The following NT5M variants were observed in gnomAD, a reference collection of about 807,000 sequenced individuals.
The protein encoded by NT5M is 5'(3')-deoxyribonucleotidase, mitochondrial.
A neutral mutation model predicts 22.2 loss-of-function variants in NT5M; 22 were observed. The observed-to-expected ratio is 0.99, with a 90% CI of 0.71 to 1.41. The LOEUF (loss-of-function observed/expected upper bound fraction) is 1.41. NT5M is among the 40% of genes most tolerant of loss of function. The pLI is 0.00. For missense variants in NT5M, 322 were observed against 314.8 expected (o/e 1.02, Z -0.17); for synonymous variants, 167 against 133.0 (o/e 1.26, Z -1.76).
chr17:17,328,673 A>C (rs1468666720), intron 3 of NT5M, among the ~76,000 whole-genome samples: 2 of 152,166 alleles, frequency 1.3e-5, no homozygotes, highest in Non-Finnish European at 2.9e-5. Context: ...GAGTAGGTTC[A>C]GCCTTTGTTG....
intron 2 of NT5M, among the ~76,000 whole-genome samples, chr17:17,321,791 C>A (rs545938545): frequency 6.6e-6 from 1 of 151,796 alleles, no homozygotes; most frequent in African/African-American, 2.4e-5. Flanking sequence ...GAAGGCTGGG[C>A]CCCAGCTGGA....
At chr17:17,340,851 T>G (rs2049628321) in intron 3 of NT5M, among the ~76,000 whole-genome samples, 1 of 152,138 alleles carries the variant, frequency 6.6e-6, no homozygotes, top group African/African-American at 2.4e-5. Flanking sequence ...TTCTTTAGGA[T>G]GCATCATTAA....
At chr17:17,323,903 G>A (rs1597775177) in intron 3 of NT5M, among the ~76,000 whole-genome samples, 1 of 151,996 alleles carries the variant, frequency 6.6e-6, no homozygotes, top group Non-Finnish European at 1.5e-5. Context: ...ACAGAGTTTT[G>A]CTCTTGTTGT....
intron 2 of NT5M, among the ~76,000 whole-genome samples, 178 bp from the exon 3 acceptor site, chr17:17,323,007 G>T (rs1163409901): frequency 1.3e-5 from 2 of 152,186 alleles, no homozygotes; most frequent in African/African-American, 4.8e-5. Flanking sequence ...GCTGCCCAGG[G>T]CCATGGGATA....
intron 2 of NT5M, among the ~76,000 whole-genome samples, chr17:17,308,160 G>A (rs2048847499): frequency 6.6e-6 from 1 of 152,220 alleles, no homozygotes; most frequent in Admixed American, 6.5e-5. Context: ...AAGAGAAGTA[G>A]TATTGCTTGA....
intron 2 of NT5M, among the ~76,000 whole-genome samples, chr17:17,321,867 A>G (rs890654746): frequency 3.3e-5 from 5 of 151,894 alleles, no homozygotes; most frequent in Non-Finnish European, 7.4e-5. Flanking sequence ...TGAGTACAGA[A>G]TGAGATAATG....
intron 3 of NT5M, among the ~76,000 whole-genome samples, chr17:17,334,642 A>AT (rs2049461323): frequency 6.6e-6 from 1 of 150,716 alleles, no homozygotes; most frequent in African/African-American, 2.4e-5. Flanking sequence ...CACCCAGCTA[A>AT]TTTTTGTATT....
In NT5M at chr17:17,303,542, C is replaced by T; in HGVS notation, c.-9C>T. On this transcript the variant is annotated 5_prime_UTR_variant, in exon 1 of 5. Coordinates refer to ENST00000389022, the MANE Select transcript of NT5M (RefSeq NM_020201.4). ...TCCCCGCGCCCACGACGGGCCAGCG[C>T]GCTGGGCCATGATCCGGCTGGGCGG... 9.5e-7 allele frequency: 1 copy of T among 1,057,978 alleles called. No homozygotes were observed. Among genetic ancestry groups the T allele is most frequent in the Non-Finnish European group, 1.1e-6 (1 of 877,970 alleles). The allele number at this position is 1,057,978 out of a possible 1,614,324, so 65.5% of individuals were successfully genotyped here. A position where few individuals can be genotyped will look rare whatever the true frequency, so the allele number is the denominator to read the frequency against.
At chr17:17,320,599 G>T (rs1164102421) in intron 2 of NT5M, among the ~76,000 whole-genome samples, 1 of 152,184 alleles carries the variant, frequency 6.6e-6, no homozygotes, top group Non-Finnish European at 1.5e-5. Flanking sequence ...CGTTTCCCAC[G>T]TTGGAAATCC....
At chr17:17,305,652 C>G (rs995532141) in intron 1 of NT5M, among the ~76,000 whole-genome samples, 6 of 152,022 alleles carry the variant, frequency 3.9e-5, no homozygotes, top group African/African-American at 1.4e-4. Flanking sequence ...TGCAGAACAG[C>G]TGGTAGAGGC....
At chr17:17,313,567 A>G (rs1402472723) in intron 2 of NT5M, among the ~76,000 whole-genome samples, 1 of 152,242 alleles carries the variant, frequency 6.6e-6, no homozygotes, top group Non-Finnish European at 1.5e-5. Flanking sequence ...AGCAGAGACC[A>G]AGGCTGATCA....
At chr17:17,338,720 A>ATTT (rs2049575436) in intron 3 of NT5M, among the ~76,000 whole-genome samples, 1 of 39,456 alleles carries the variant, frequency 2.5e-5, no homozygotes, top group Admixed American at 2.9e-4. Flanking sequence ...GAAGAATGTC[A>ATTT]TTGGTATTTT....
At chr17:17,329,412 C>T (rs61070437) in intron 3 of NT5M, among the ~76,000 whole-genome samples, 2,580 of 152,316 alleles carry the variant, frequency 0.017, 62 homozygotes, top group African/African-American at 0.054. Flanking sequence ...GGCCTCACTG[C>T]CTCTTCTCGG....
At chr17:17,327,068 C>T (rs200593641) in intron 3 of NT5M, among the ~76,000 whole-genome samples, 1,346 of 39,180 alleles carry the variant, frequency 0.034, 103 homozygotes, top group East Asian at 0.17. Flanking sequence ...TGCGCCACCA[C>T]ACCCGGCTAA....
At chr17:17,315,242 A>G (rs527507508) in intron 2 of NT5M, among the ~76,000 whole-genome samples, 25 of 152,342 alleles carry the variant, frequency 1.6e-4, no homozygotes, top group African/African-American at 4.8e-4. Flanking sequence ...AGTAAGAGGC[A>G]GTTTATTCAT....
intron 3 of NT5M, among the ~76,000 whole-genome samples, chr17:17,344,096 C>T (rs1282484508): frequency 6.6e-6 from 1 of 152,274 alleles, no homozygotes; most frequent in East Asian, 1.9e-4. Context: ...GCTTGCCAGG[C>T]CCCGGTCTGC....
In NT5M at chr17:17,346,864, C is replaced by G; in HGVS notation, c.604C>G (p.Leu202Val). The G allele has an allele frequency of 6.2e-7, 1 of 1,608,574 alleles. No individual in the cohort carries two copies. The highest frequency in any genetic ancestry group is 8.5e-7 in the Non-Finnish European group (1 of 1,179,914). The change falls in exon 5 of 5, where the codon CTG becomes GTG. Residue 202 changes from leucine to valine, a missense_variant. By Grantham distance (32) the Leu-to-Val change is conservative (BLOSUM62 1). Transcript: ENST00000389022. ...CTTCACCGCCTGCCACAACCAGCAC[C>G]TGCAGCTGCAGCCCCCCCGCCGCAG... ...VLFTACHNQH[L>V]QLQPPRRRLH...
Position 17,346,965 on chromosome 17 carries a change from G to A in NT5M, c.*18G>A. On this transcript the variant is annotated 3_prime_UTR_variant, in exon 5 of 5. Coordinates refer to ENST00000389022, the MANE Select transcript of NT5M (RefSeq NM_020201.4). ...CCTGCTGAGCTGGACTGTGCTTCGGGCTCCTCTGTGGGGCTCTGACCTCAG... is the reference window on the plus strand; with the variant it reads ...CCTGCTGAGCTGGACTGTGCTTCGGACTCCTCTGTGGGGCTCTGACCTCAG... 6.2e-7 allele frequency: 1 copy of A among 1,609,422 alleles called. No individual in the cohort carries two copies. The highest frequency in any genetic ancestry group is 8.5e-7 in the Non-Finnish European group (1 of 1,179,678).
At chr17:17,326,707 T>C (rs1007891646) in intron 3 of NT5M, among the ~76,000 whole-genome samples, 1 of 151,996 alleles carries the variant, frequency 6.6e-6, no homozygotes, top group Non-Finnish European at 1.5e-5. Context: ...GGTGCCCTGA[T>C]GGACTGTCCT....
Sources: gnomAD v4.1 joint callset for allele counts (sites outside exome capture counted in the v4.1 genomes callset) on GRCh38, gnomAD v4.1.1 for gene constraint, MANE v1.5 for transcripts, NCBI Gene and HGNC (gene_info 2026-07-23, HGNC 2026-07-21) for gene names.